The following SORD variants were observed in gnomAD, a reference collection of about 807,000 sequenced individuals.
SORD encodes the protein (R,R)-butanediol dehydrogenase.
Under a neutral mutation model 35.6 loss-of-function variants are expected in SORD, and 18 were observed. The observed-to-expected ratio is 0.51, with a 90% confidence interval of 0.35 to 0.75. The LOEUF is 0.75. Among genes scored for constraint, SORD ranks in the 30% least tolerant of loss-of-function variants. The pLI is 0.01. For missense variants in SORD, 250 were observed against 390.2 expected, an observed-to-expected ratio of 0.64 and a Z score of 3.03; for synonymous variants, 106 against 152.9, an observed-to-expected ratio of 0.69 and a Z score of 2.26.
intron 1 of SORD, among the ~76,000 whole-genome samples, chr15:45,029,127 A>G (rs1892727303): frequency 6.6e-6 from 1 of 152,286 alleles, no homozygotes; most frequent in African/African-American, 2.4e-5. Flanking sequence ...GAAATTGGGT[A>G]GCAGTAAGTA....
intron 3 of SORD, among the ~76,000 whole-genome samples, chr15:45,047,720 C>G (rs1893066537): frequency 6.6e-6 from 1 of 152,214 alleles, no homozygotes; most frequent in South Asian, 2.1e-4. Context: ...GCCTGTGGGT[C>G]CTTTCCTGGC....
At chr15:45,035,237 G>C (rs1892844501) in intron 1 of SORD, among the ~76,000 whole-genome samples, 1 of 152,188 alleles carries the variant, frequency 6.6e-6, no homozygotes, top group African/African-American at 2.4e-5. Context: ...GTGCGGGACT[G>C]GCAAGCAGCT....
rs568926936 is a variant in SORD at position 45,030,968 on chromosome 15, A to G, written c.66+7619A>G. On this transcript the variant is annotated intron_variant, in intron 1 of 8. Transcript: ENST00000267814. ...AGGTTTCACAATAACTCAATGGCCA[A>G]TTAAATGTGAGGCTTTCACATACCA... Among the ~76,000 whole-genome samples the G allele has an allele frequency of 1.7e-4, 26 of 152,384 alleles. No homozygotes were observed. The East Asian group carries it at 4.8e-3, about 28-fold the overall frequency.
intron 7 of SORD, among the ~76,000 whole-genome samples, chr15:45,069,422 G>A (rs898342668): frequency 6.6e-6 from 1 of 151,876 alleles, no homozygotes; most frequent in Non-Finnish European, 1.5e-5. Context: ...GTGTTAGCCA[G>A]GATGGTCGCC....
At chr15:45,055,110 G>A in intron 3 of SORD, among the ~76,000 whole-genome samples, 1 of 152,106 alleles carries the variant, frequency 6.6e-6, no homozygotes, top group Non-Finnish European at 1.5e-5. Context: ...TTTGGCTTAG[G>A]ATTGACTTGG....
intron 3 of SORD, among the ~76,000 whole-genome samples, chr15:45,055,435 A>C (rs1427874167): frequency 6.6e-6 from 1 of 152,192 alleles, no homozygotes; most frequent in Non-Finnish European, 1.5e-5. Context: ...CCAAGACTAA[A>C]CCAGGAAGAA....
At position 45,023,218 on chromosome 15, in the gene SORD, T is replaced by A. The variant is rs1271609398; in HGVS notation, c.-66T>A. 17 of 1,384,376 alleles carry A rather than the reference T, an allele frequency of 1.2e-5. No homozygotes were observed. Among genetic ancestry groups the A allele is most frequent in the Non-Finnish European group, 1.6e-5 (17 of 1,036,812 alleles). 85.8% of individuals were successfully genotyped at this position (1,384,376 alleles called of 1,614,324 possible). ...CCAGTGCCCTGGACCCTCGGCTGGGTAGCGCCACCAGAGCGACCAAACGTC... is the reference window on the plus strand; with the variant it reads ...CCAGTGCCCTGGACCCTCGGCTGGGAAGCGCCACCAGAGCGACCAAACGTC... On this transcript the variant is annotated 5_prime_UTR_variant, in exon 1 of 9. Coordinates refer to ENST00000267814, the MANE Select transcript of SORD (RefSeq NM_003104.6).
intron 2 of SORD, among the ~76,000 whole-genome samples, chr15:45,040,974 G>T (rs928653343): frequency 1.3e-5 from 2 of 152,182 alleles, no homozygotes; most frequent in Non-Finnish European, 2.9e-5. Context: ...TGCTGCATGG[G>T]TCCCTGTCCC....
At chr15:45,028,550 T>G (rs1259781996) in intron 1 of SORD, among the ~76,000 whole-genome samples, 1 of 152,214 alleles carries the variant, frequency 6.6e-6, no homozygotes, top group Admixed American at 6.5e-5. Context: ...GGGGATGTAG[T>G]CAGATTTTTG....
chr15:45,040,840 A>G (rs1468505714), intron 2 of SORD, among the ~76,000 whole-genome samples: 1 of 152,304 alleles, frequency 6.6e-6, no homozygotes, highest in Non-Finnish European at 1.5e-5. Flanking sequence ...TTTGAAAAGG[A>G]GTGAGTCTAC....
Position 45,061,051 on chromosome 15 carries a change from T to C in SORD, c.266-16T>C, listed in dbSNP as rs1467713065. Reference sequence around the variant, plus strand: ...CCCACCCTCGGACATGGTGCCATCTTTGTTTTCCTCTCCAGGTGATCGTGT... The same window carrying C: ...CCCACCCTCGGACATGGTGCCATCTCTGTTTTCCTCTCCAGGTGATCGTGT... On this transcript the variant is annotated splice_polypyrimidine_tract_variant and intron_variant, in intron 3 of 8. Transcript: ENST00000267814. 6.2e-7 allele frequency: 1 copy of C among 1,614,060 alleles called. No individual in the cohort carries two copies.
intron 4 of SORD, 141 bp downstream of exon 4, chr15:45,061,367 G>A: frequency 1.1e-6 from 1 of 900,892 alleles, no homozygotes; most frequent in African/African-American, 1.7e-5. Flanking sequence ...TACTCTTCTT[G>A]GTGGCATTGA....
intron 3 of SORD, among the ~76,000 whole-genome samples, chr15:45,046,488 C>T (rs962234873): frequency 3.3e-5 from 5 of 152,174 alleles, no homozygotes; most frequent in South Asian, 2.1e-4. Context: ...GGTGATCAGC[C>T]CTCCTCGGCC....
rs748831964 is a variant in SORD, at chr15:45,023,340, C to T, written c.57C>T (p.Asp19=). The part of the protein sequence containing the change: ...NLSLVVHGPG[D]LRLENYPIPE... The stretch of plus-strand genomic sequence containing the variant: ...CCCTGGTGGTGCACGGACCGGGGGA[C>T]TTGCGCCTGGTAAGCTGGGAAGGAG... The change falls in exon 1 of 9, where the codon GAC becomes GAT. Residue 19 remains aspartate (D), a synonymous_variant. Coordinates refer to ENST00000267814, the MANE Select transcript of SORD (RefSeq NM_003104.6). The T allele has an allele frequency of 6.3e-7, 1 of 1,578,800 alleles. No homozygotes were observed. Among genetic ancestry groups the T allele is most frequent in the South Asian group, 1.2e-5 (1 of 86,036 alleles).
At chr15:45,056,682 A>T (rs557548755) in intron 3 of SORD, among the ~76,000 whole-genome samples, 1 of 152,208 alleles carries the variant, frequency 6.6e-6, no homozygotes, top group Non-Finnish European at 1.5e-5. Context: ...TTAAGTGGCC[A>T]TTATGGGGAT....
rs1396187910 is a variant in SORD at position 45,073,084 on chromosome 15, C to T, written c.909-281C>T. ...TTCTCTGCCTTTTCCCAGTGGCCTCCACCATGTGCCTTGTACCTTCATGCC... is the reference window on the plus strand; with the variant it reads ...TTCTCTGCCTTTTCCCAGTGGCCTCTACCATGTGCCTTGTACCTTCATGCC... On this transcript the variant is annotated intron_variant, in intron 8 of 8. Transcript: ENST00000267814. 1.1e-4 allele frequency among the ~76,000 whole-genome samples: 15 copies of T among 133,492 alleles called. 1 individual carries two copies. The highest frequency in any genetic ancestry group is 2.1e-4 in the Non-Finnish European group (14 of 66,878). The allele number at this position is 133,492 out of a possible 152,430, so 87.6% of individuals were successfully genotyped here.
chr15:45,066,966 G>A (rs1260669087), intron 5 of SORD, among the ~76,000 whole-genome samples: 4 of 152,128 alleles, frequency 2.6e-5, no homozygotes, highest in Admixed American at 6.6e-5. Flanking sequence ...TCCCGTCACC[G>A]ATTAGCCCAA....
At chr15:45,054,971 T>C (rs1893190951) in intron 3 of SORD, among the ~76,000 whole-genome samples, 1 of 152,204 alleles carries the variant, frequency 6.6e-6, no homozygotes, top group South Asian at 2.1e-4. Flanking sequence ...TGTGGCATTA[T>C]TTCTGAGGGC....
At chr15:45,057,421 C>T (rs1465903436) in intron 3 of SORD, among the ~76,000 whole-genome samples, 1 of 152,082 alleles carries the variant, frequency 6.6e-6, no homozygotes, top group East Asian at 1.9e-4. Flanking sequence ...TTTTCATGAA[C>T]AATCCAAGCA....
Sources: gnomAD v4.1 joint callset for allele counts (sites outside exome capture counted in the v4.1 genomes callset) on GRCh38, gnomAD v4.1.1 for gene constraint, MANE v1.5 for transcripts, NCBI Gene and HGNC (gene_info 2026-07-23, HGNC 2026-07-21) for gene names.